Variants in APBA2 observed in about 807,000 individuals in gnomAD.
The protein encoded by APBA2 is amyloid beta precursor protein binding family A member 2.
A neutral mutation model predicts 75.0 loss-of-function variants in APBA2; 30 were observed. The ratio of observed to expected loss-of-function variants is 0.40; its 90% CI spans 0.30 to 0.54. APBA2 has a LOEUF of 0.54. APBA2 is among the 20% of genes least tolerant of loss of function. APBA2 has a pLI of 0.49. For synonymous variants in APBA2, 444 were observed against 409.6 expected (o/e 1.08, Z -1.01); for missense variants, 801 against 1,016.1 (o/e 0.79, Z 2.88).
In APBA2 at chr15:28,991,175, C is replaced by T. The variant is rs72625151; in HGVS notation, c.-94-4578C>T. Among the ~76,000 whole-genome samples, 19,602 of 152,176 alleles carry T rather than the reference C, an allele frequency of 0.13. 3,899 individuals are homozygous for T. Among genetic ancestry groups the T allele is most frequent in the African/African-American group, 0.43 (17,713 of 41,448 alleles). ...TTTGGTATCCACCCCAAGGGCCCTC[C>T]TCTGCCTGTCTCAGCACCATCTCTG... On this transcript the variant is annotated intron_variant, in intron 2 of 14. Transcript: ENST00000683413. The surrounding 1 kb of genome is among the most constrained non-coding windows in gnomAD (Gnocchi z 4.7).
chr15:28,935,470 C>A (rs972098959), intron 2 of APBA2, among the ~76,000 whole-genome samples: 1 of 152,048 alleles, frequency 6.6e-6, no homozygotes, highest in African/African-American at 2.4e-5. Context: ...GCTGGGGGAG[C>A]CCCTCTGGAA....
intron 3 of APBA2, among the ~76,000 whole-genome samples, 196 bp from the exon 4 acceptor site, chr15:29,053,649 C>A (rs888583970): frequency 2.6e-5 from 4 of 151,942 alleles, no homozygotes; most frequent in African/African-American, 7.3e-5. Context: ...CTCTGTGTGC[C>A]CTCGTTCTCC....
Position 29,105,420 on chromosome 15 carries a change from G to A in APBA2, c.1566G>A (p.Val522=), listed in dbSNP as rs547746986. ...IAQSIGQAFS[V]AYQEFLRANG... The stretch of plus-strand genomic sequence containing the variant: ...AGTCTATCGGCCAGGCCTTCAGCGT[G>A]GCCTACCAGGAGTTCCTGCGAGCCA... The change falls in exon 11 of 15, where the codon GTG becomes GTA. Residue 522 remains valine (V), a synonymous_variant. Coordinates refer to ENST00000683413, the MANE Select transcript of APBA2 (RefSeq NM_001353788.2). 3.7e-6 allele frequency: 6 copies of A among 1,613,040 alleles called. No homozygotes were observed. Among genetic ancestry groups the A allele is most frequent in the Non-Finnish European group, 5.1e-6 (6 of 1,180,018 alleles).
chr15:29,030,729 A>ATGTGTGTGTGTG (rs60048817), intron 3 of APBA2, among the ~76,000 whole-genome samples: 62 of 113,310 alleles, frequency 5.5e-4, no homozygotes, highest in African/African-American at 1.9e-3. Context: ...CCATGTGAGT[A>ATGTGTGTGTGTG]TGTGTGTGTG....
At position 28,918,082 on chromosome 15, in the gene APBA2, G is replaced by C. The variant is rs1173414024; in HGVS notation, c.-204-3558G>C. ...TGCCCAGATAGGGATAAGAATCACC[G>C]CGAGTGTTTGCTGAGCACTTGGGAG... On this transcript the variant is annotated intron_variant, in intron 1 of 14. Coordinates refer to ENST00000683413, the MANE Select transcript of APBA2 (RefSeq NM_001353788.2). The surrounding 1 kb of genome is among the most constrained non-coding windows in gnomAD (Gnocchi z 4.2). 6.6e-6 allele frequency among the ~76,000 whole-genome samples: 1 copy of C among 152,210 alleles called. No homozygotes were observed. Among genetic ancestry groups the C allele is most frequent in the Admixed American group, 6.5e-5 (1 of 15,294 alleles).
At position 28,942,952 on chromosome 15, in the gene APBA2, G is replaced by T. The variant is rs570091577; in HGVS notation, c.-95+21203G>T. ...CCTCGGTTTCCTCGTTCTCAGGGGG[G>T]GCTTCTGCCAGACTGTCTGGGAGAT... On this transcript the variant is annotated intron_variant, in intron 2 of 14. Transcript: ENST00000683413. Among the ~76,000 whole-genome samples, 3 of 152,322 alleles carry T rather than the reference G, an allele frequency of 2.0e-5. No homozygotes were observed. In the South Asian group the frequency reaches 6.2e-4, roughly 32 times the overall value.
intron 3 of APBA2, among the ~76,000 whole-genome samples, chr15:29,020,628 A>C (rs1425500356): frequency 6.8e-6 from 1 of 148,136 alleles, no homozygotes; most frequent in African/African-American, 2.6e-5. Flanking sequence ...CAACATGGTG[A>C]AACCCGGTCT....
Position 29,081,145 on chromosome 15 carries a change from G to A in APBA2, c.1069+5054G>A, listed in dbSNP as rs553700395. 8.5e-5 allele frequency among the ~76,000 whole-genome samples: 13 copies of A among 152,330 alleles called. 1 individual carries two copies. The highest frequency in any genetic ancestry group is 2.6e-4 in the African/African-American group (11 of 41,576). On this transcript the variant is annotated intron_variant, in intron 6 of 14. Coordinates refer to ENST00000683413, the MANE Select transcript of APBA2 (RefSeq NM_001353788.2). ...AAAGCTGCTTTGTTGGTTTCATACA[G>A]TGGGCACATGGGATCTGAGACTTAG...
chr15:28,914,536 C>T (rs1394573105), intron 1 of APBA2, among the ~76,000 whole-genome samples: 3 of 152,034 alleles, frequency 2.0e-5, no homozygotes, highest in Non-Finnish European at 4.4e-5. Context: ...GATTGCAGCT[C>T]AGGTGGCTGT....
chr15:29,045,079 C>CTA (rs2041244581), intron 3 of APBA2, among the ~76,000 whole-genome samples: 1 of 116,920 alleles, frequency 8.6e-6, no homozygotes, highest in Non-Finnish European at 1.5e-5. Flanking sequence ...TTCTCTCTCT[C>CTA]TCTCTCTCTC....
intron 4 of APBA2, among the ~76,000 whole-genome samples, chr15:29,057,517 A>G (rs1276844497): frequency 2.0e-5 from 3 of 152,228 alleles, no homozygotes; most frequent in Non-Finnish European, 2.9e-5. Context: ...CGGATGAGCT[A>G]TTTCATCAGT....
At chr15:28,894,903 A>T (rs36129468) in intron 1 of APBA2, among the ~76,000 whole-genome samples, 1 of 148,906 alleles carries the variant, frequency 6.7e-6, no homozygotes, top group African/African-American at 2.5e-5. Flanking sequence ...CAGTAAGAAC[A>T]CAGGAGGGTG....
At chr15:28,946,115 A>G (rs757902230) in intron 2 of APBA2, among the ~76,000 whole-genome samples, 1 of 152,208 alleles carries the variant, frequency 6.6e-6, no homozygotes, top group Non-Finnish European at 1.5e-5. Flanking sequence ...TTTGTTGCAG[A>G]TAGGATTCCA....
intron 1 of APBA2, among the ~76,000 whole-genome samples, chr15:28,896,146 A>G (rs1245506852): frequency 6.6e-6 from 1 of 152,080 alleles, no homozygotes; most frequent in Admixed American, 6.6e-5. Context: ...AGGGAGCTCT[A>G]TTTGATGCGG....
At chr15:29,064,547 C>T (rs2042292360) in intron 4 of APBA2, among the ~76,000 whole-genome samples, 2 of 152,234 alleles carry the variant, frequency 1.3e-5, no homozygotes, top group South Asian at 2.1e-4. Context: ...TAGGGACAGG[C>T]GGAGAGGCTC....
chr15:29,117,168 G>A lies in APBA2; in HGVS notation c.*35G>A, dbSNP rs747235389. ...GCCTGGCCACGCAGCCAGGACACCGGGCAGGGCCGCCCGGGCCCAGAGGAG... is the reference window on the plus strand; with the variant it reads ...GCCTGGCCACGCAGCCAGGACACCGAGCAGGGCCGCCCGGGCCCAGAGGAG... On this transcript the variant is annotated 3_prime_UTR_variant, in exon 15 of 15. Coordinates refer to ENST00000683413, the MANE Select transcript of APBA2 (RefSeq NM_001353788.2). 6.2e-7 allele frequency: 1 copy of A among 1,606,064 alleles called. No individual in the cohort carries two copies. The highest frequency in any genetic ancestry group is 1.3e-5 in the African/African-American group (1 of 74,726).
chr15:29,054,142 T>C lies in APBA2; in HGVS notation c.258T>C (p.Tyr86=). The change falls in exon 4 of 15, where the codon TAT becomes TAC. Residue 86 remains tyrosine (Y), a synonymous_variant. Transcript: ENST00000683413. This position sits in a 1 kb window ranked among gnomAD's most constrained non-coding sequence, Gnocchi z 6.1. The stretch of plus-strand genomic sequence containing the variant: ...ACAACACCTCTGAGGAGGAGGACTA[T>C]GACGAGGGCCTCCCTGAGGAGGAGG... The part of the protein sequence containing the change: ...YVNNTSEEED[Y]DEGLPEEEEG... 6.2e-7 allele frequency: 1 copy of C among 1,614,136 alleles called. No homozygotes were observed. Among genetic ancestry groups the C allele is most frequent in the East Asian group, 2.2e-5 (1 of 44,858 alleles).
chr15:29,089,990 C>G (rs2043479983), intron 6 of APBA2, among the ~76,000 whole-genome samples: 1 of 152,178 alleles, frequency 6.6e-6, no homozygotes, highest in African/African-American at 2.4e-5. Context: ...GATTTGGGTT[C>G]TGCGTTTCCT....
intron 1 of APBA2, among the ~76,000 whole-genome samples, chr15:28,912,389 G>A (rs1164960739): frequency 1.3e-5 from 2 of 152,220 alleles, no homozygotes; most frequent in African/African-American, 4.8e-5. Flanking sequence ...CCTCACTGAG[G>A]AGGAGTTTTA....
Sources: gnomAD v4.1 joint callset for allele counts (sites outside exome capture counted in the v4.1 genomes callset) on GRCh38, gnomAD v4.1.1 for gene constraint, Gnocchi (gnomAD v3.1) non-coding constraint, MANE v1.5 for transcripts, NCBI Gene and HGNC (gene_info 2026-07-23, HGNC 2026-07-21) for gene names.